Variants in E2F7 observed in about 807,000 individuals in gnomAD.
E2F7 encodes the protein transcription factor E2F7.
In E2F7, 35 loss-of-function variants were observed where a neutral mutation model predicts 81.1. The ratio of observed to expected loss-of-function variants is 0.43; its 90% CI spans 0.33 to 0.57. The LOEUF (loss-of-function observed/expected upper bound fraction) is 0.57. Ranked by LOEUF, E2F7 falls within the 20% of genes least tolerant of loss-of-function variation. The pLI is 0.04. For missense variants in E2F7, 961 were observed against 1,093.7 expected, an observed-to-expected ratio of 0.88 and a Z score of 1.71; for synonymous variants, 416 against 416.2, an observed-to-expected ratio of 1.00 and a Z score of 0.01.
At chr12:77,026,116 AC>A in intron 11 of E2F7, 134 bp from the exon 12 acceptor site, 2 of 1,020,380 alleles carry the variant, frequency 2.0e-6, no homozygotes, top group South Asian at 1.8e-5. Context: ...CCCCCAGCTG[AC>A]CAGGCCAAAC....
rs544457161 is a variant in E2F7 at position 77,045,444 on chromosome 12, A to G, written c.829+594T>C. Reference sequence around the variant, plus strand: ...GGAGGCAGTAACTCTAATGAAAACCAGGCCCACCTTTCTTTCCATTTCTTA... The same window carrying G: ...GGAGGCAGTAACTCTAATGAAAACCGGGCCCACCTTTCTTTCCATTTCTTA... On this transcript the variant is annotated intron_variant, in intron 5 of 12. Transcript: ENST00000322886. 2.0e-4 allele frequency among the ~76,000 whole-genome samples: 31 copies of G among 152,332 alleles called. 1 individual carries two copies. The highest frequency in any genetic ancestry group is 1.8e-3 in the Admixed American group (27 of 15,298).
rs1954724338 is a variant in E2F7, at chr12:77,022,821, G to A, written c.*1194C>T. 6.6e-6 allele frequency: 1 copy of A among 152,178 alleles called. No individual in the cohort carries two copies. The highest frequency in any genetic ancestry group is 2.1e-4 in the South Asian group (1 of 4,834). The allele number at this position is 152,178 out of a possible 1,614,324, so 9.4% of individuals were successfully genotyped here. ...GTTAAAAAAGGGAAATTGCATAACA[G>A]TTTCCAGAATTGTATTCATGCTAGA... On this transcript the variant is annotated 3_prime_UTR_variant, in exon 13 of 13. Coordinates refer to ENST00000322886, the MANE Select transcript of E2F7 (RefSeq NM_203394.3).
chr12:77,049,358 A>T (rs565763932), intron 4 of E2F7, among the ~76,000 whole-genome samples: 11 of 152,238 alleles, frequency 7.2e-5, no homozygotes, highest in African/African-American at 2.6e-4. Context: ...TCCTCTTCCT[A>T]TAGAGATGGA....
At chr12:77,032,568 G>C (rs1026378182) in intron 9 of E2F7, among the ~76,000 whole-genome samples, 1 of 152,284 alleles carries the variant, frequency 6.6e-6, no homozygotes, top group Admixed American at 6.5e-5. Context: ...TTAGCAATGT[G>C]ACTGGGCAAG....
chr12:77,039,984 A>G (rs1189072821), intron 7 of E2F7, among the ~76,000 whole-genome samples: 1 of 152,208 alleles, frequency 6.6e-6, no homozygotes, highest in Non-Finnish European at 1.5e-5. Context: ...CCAAAAGAGT[A>G]CAGGTTATAG....
At chr12:77,053,950 A>G (rs763865780) in intron 3 of E2F7, among the ~76,000 whole-genome samples, 14 of 152,198 alleles carry the variant, frequency 9.2e-5, no homozygotes, top group Non-Finnish European at 1.9e-4. Flanking sequence ...AGTGTATTTT[A>G]CATGATCAAA....
chr12:77,061,336 T>C (rs913427794), intron 2 of E2F7, among the ~76,000 whole-genome samples: 2 of 152,202 alleles, frequency 1.3e-5, no homozygotes, highest in Admixed American at 6.5e-5. Context: ...CCAAGAGACA[T>C]GAATGACATT....
At chr12:77,047,319 G>A (rs577798425) in intron 4 of E2F7, among the ~76,000 whole-genome samples, 1 of 152,198 alleles carries the variant, frequency 6.6e-6, no homozygotes, top group Non-Finnish European at 1.5e-5. Context: ...TAATGAGGAT[G>A]AAATGTAACT....
In E2F7 at chr12:77,044,809, G is replaced by C; in HGVS notation, c.830-14C>G. ...TGTTTGCAGATGCTACACAAGGAAT[G>C]AAACAAAAGCATCAAAGTATATGAT... On this transcript the variant is annotated splice_polypyrimidine_tract_variant and intron_variant, in intron 5 of 12. Coordinates refer to ENST00000322886, the MANE Select transcript of E2F7 (RefSeq NM_203394.3). The C allele has an allele frequency of 1.2e-6, 2 of 1,611,622 alleles. No homozygotes were observed. The highest frequency in any genetic ancestry group is 1.7e-6 in the Non-Finnish European group (2 of 1,179,096).
chr12:77,046,845 C>T (rs562744801), intron 4 of E2F7, among the ~76,000 whole-genome samples: 27 of 152,294 alleles, frequency 1.8e-4, no homozygotes, highest in African/African-American at 5.8e-4. Context: ...ACCTTGATAA[C>T]GCTCTCAATG....
At position 77,027,933 on chromosome 12, in the gene E2F7, C is replaced by T. The variant is rs1046296282; in HGVS notation, c.2090G>A (p.Ser697Asn). The stretch of plus-strand genomic sequence containing the variant: ...TTGTAGCAAAGAAGGCTCTTTGGTG[C>T]TTTCATTTTCTTTTGAAGGCTTTTC... ...DVEKPSKENE[S>N]TKEPSLLQYL... The change falls in exon 11 of 13, where the codon AGC becomes AAC. Residue 697 changes from serine (S) to asparagine (N), a missense_variant. By Grantham distance (46) the Ser-to-Asn change is conservative. Coordinates refer to ENST00000322886, the MANE Select transcript of E2F7 (RefSeq NM_203394.3). The T allele has an allele frequency of 6.2e-7, 1 of 1,614,170 alleles. No homozygotes were observed. The highest frequency in any genetic ancestry group is 1.3e-5 in the African/African-American group (1 of 75,034).
rs368893400 is a variant in E2F7 at position 77,025,647 on chromosome 12, G to T, written c.2476C>A (p.Pro826Thr). The T allele has an allele frequency of 6.2e-7, 1 of 1,614,050 alleles. No homozygotes were observed. The highest frequency in any genetic ancestry group is 1.3e-5 in the African/African-American group (1 of 74,918). Residue 826 changes from proline (P) to threonine (T), a missense_variant, in exon 12 of 13, where the codon CCA becomes ACA. Pro to Thr is a conservative substitution (Grantham distance 38). Around this residue, in one of 3 missense-constraint regions of E2F7, gnomAD observed 587 missense variants for 620.3 expected, o/e 0.95. Transcript: ENST00000322886. ...LQSQPSLNLS[P>T]VMSRSHSVVQ... The stretch of plus-strand genomic sequence containing the variant: ...ACACTGTGTGACCTTGACATCACTG[G>T]ACTTAGGTTTAGTGAGGGCTGACTC...
In E2F7 at chr12:77,047,798, G is replaced by A. The variant is rs540895150; in HGVS notation, c.539-1470C>T. On this transcript the variant is annotated intron_variant, in intron 4 of 12. Coordinates refer to ENST00000322886, the MANE Select transcript of E2F7 (RefSeq NM_203394.3). ...CAGGCTTCGGTGCCAGATGCCTGCC[G>A]GAAGGTGCTGGCAGGAGCAGGCAGC... is the stretch of plus-strand genomic sequence containing the variant. Among the ~76,000 whole-genome samples the A allele has an allele frequency of 9.8e-5, 15 of 152,306 alleles. No individual in the cohort carries two copies. The South Asian group carries it at 2.5e-3, about 25-fold the overall frequency.
chr12:77,065,009 C>G (rs1955106859), intron 1 of E2F7, among the ~76,000 whole-genome samples: 1 of 152,200 alleles, frequency 6.6e-6, no homozygotes. Context: ...AGGAATTCGG[C>G]TTTGAGGGGT....
At chr12:77,028,201 T>C (rs1954775405) in intron 10 of E2F7, 63 bp from the exon 11 acceptor site, 1 of 1,539,176 alleles carries the variant, frequency 6.5e-7, no homozygotes, top group Admixed American at 2.0e-5. Flanking sequence ...AATCTCTCTT[T>C]TTTTTTTTTG....
chr12:77,051,476 G>A (rs1592564653), intron 3 of E2F7, among the ~76,000 whole-genome samples: 3 of 151,972 alleles, frequency 2.0e-5, no homozygotes, highest in Non-Finnish European at 2.9e-5. Context: ...ATAACATACC[G>A]GGGCCTGTCG....
chr12:77,045,823 C>A (rs1488647453), intron 5 of E2F7: 4 of 565,878 alleles, frequency 7.1e-6, no homozygotes, highest in Non-Finnish European at 9.1e-6. Context: ...AGGCCAAACT[C>A]GAGTGAACTG....
intron 12 of E2F7, among the ~76,000 whole-genome samples, chr12:77,025,028 G>A (rs372904113): frequency 4.8e-5 from 7 of 146,150 alleles, no homozygotes; most frequent in South Asian, 2.1e-4. Context: ...TGTTTTCTGC[G>A]TATGTATAGA....
chr12:77,028,911 G>A (rs1018795502), intron 10 of E2F7, among the ~76,000 whole-genome samples: 1 of 152,242 alleles, frequency 6.6e-6, no homozygotes, highest in Non-Finnish European at 1.5e-5. Context: ...GTCATGTCCT[G>A]TGCATTGATA....
Sources: gnomAD v4.1 joint callset for allele counts (sites outside exome capture counted in the v4.1 genomes callset) on GRCh38, gnomAD v4.1.1 for gene constraint, gnomAD v4.1.1 regional missense constraint, MANE v1.5 for transcripts, NCBI Gene and HGNC (gene_info 2026-07-23, HGNC 2026-07-21) for gene names.